COL19A1: variants seen among roughly 807,000 people sequenced by gnomAD.
The protein encoded by COL19A1 is collagen alpha-1(XIX) chain.
COL19A1 carries 159 observed loss-of-function variants against 190.2 expected under a neutral mutation model. That is an observed-to-expected ratio of 0.84 (90% CI 0.73 to 0.95). The LOEUF is 0.95. Ranked by LOEUF, COL19A1 falls within the 40% of genes least tolerant of loss-of-function variation. The pLI is 0.00. For missense variants in COL19A1, 1,418 were observed against 1,431.9 expected (o/e 0.99, Z 0.16); for synonymous variants, 509 against 458.9 (o/e 1.11, Z -1.39).
chr6:69,918,162 G>A (rs540385205), intron 4 of COL19A1, among the ~76,000 whole-genome samples: 1 of 152,186 alleles, frequency 6.6e-6, no homozygotes, highest in African/African-American at 2.4e-5. Context: ...TCAGAGAAAT[G>A]CATCTTATTC....
intron 2 of COL19A1, among the ~76,000 whole-genome samples, chr6:69,892,091 T>C (rs894273498): frequency 2.6e-5 from 4 of 152,226 alleles, no homozygotes; most frequent in African/African-American, 9.6e-5. Flanking sequence ...GCTATAGTTA[T>C]GCTTGCTAAG....
At chr6:70,129,919 G>T (rs552213849) in intron 17 of COL19A1, among the ~76,000 whole-genome samples, 1 of 152,254 alleles carries the variant, frequency 6.6e-6, no homozygotes, top group African/African-American at 2.4e-5. Flanking sequence ...TATCCCCAGA[G>T]GTGTGATGTT....
At chr6:70,175,558 G>A (rs113274984) in intron 41 of COL19A1, among the ~76,000 whole-genome samples, 8,105 of 151,848 alleles carry the variant, frequency 0.053, 238 homozygotes, top group Non-Finnish European at 0.06. Flanking sequence ...TATAAATGCC[G>A]GTCTGTTTCT....
At chr6:69,914,925 CT>C (rs536008572) in intron 4 of COL19A1, among the ~76,000 whole-genome samples, 7 of 152,080 alleles carry the variant, frequency 4.6e-5, no homozygotes, top group Admixed American at 2.0e-4. Context: ...GTTTCTTCAT[CT>C]TTTTTTTATA....
chr6:70,054,069 G>A (rs1780360679), intron 14 of COL19A1, among the ~76,000 whole-genome samples: 1 of 152,160 alleles, frequency 6.6e-6, no homozygotes, highest in Admixed American at 6.6e-5. Flanking sequence ...AAGATATTTT[G>A]GCCAGGTGCA....
intron 27 of COL19A1, among the ~76,000 whole-genome samples, chr6:70,147,635 C>G (rs1786751144): frequency 6.6e-6 from 1 of 152,140 alleles, no homozygotes; most frequent in Non-Finnish European, 1.5e-5. Flanking sequence ...AAATACAATT[C>G]TGACACCAGC....
intron 23 of COL19A1, 58 bp downstream of exon 23, chr6:70,142,878 A>G (rs1236176741): frequency 1.2e-5 from 17 of 1,470,152 alleles, no homozygotes; most frequent in Admixed American, 3.7e-5. Context: ...ACATGTTTTT[A>G]AAAACATCAA....
intron 15 of COL19A1, among the ~76,000 whole-genome samples, chr6:70,082,228 A>G (rs1208140096): frequency 7.0e-6 from 1 of 143,574 alleles, no homozygotes; most frequent in Non-Finnish European, 1.6e-5. Flanking sequence ...CTACTGATGA[A>G]GAATTGAAGA....
chr6:70,049,555 C>T (rs1197230322), intron 14 of COL19A1, among the ~76,000 whole-genome samples: 1 of 151,962 alleles, frequency 6.6e-6, no homozygotes, highest in African/African-American at 2.4e-5. Context: ...TTGAGAATAA[C>T]TCCTTCTGCC....
Position 70,146,692 on chromosome 6 carries a change from C to T in COL19A1, c.1804C>T (p.Arg602Cys), listed in dbSNP as rs769148194. The T allele has an allele frequency of 9.3e-6, 15 of 1,606,588 alleles. No individual in the cohort carries two copies. The highest frequency in any genetic ancestry group is 9.0e-5 in the South Asian group (8 of 89,332). ...TGGAAATCCTGGAGCACCTGGTCCA[C>T]GTGGGCCAAAGGTATACAAATATTA... ...LDGNPGAPGP[R>C]GPKGERGLPG... is the part of the protein sequence containing the mutation. Residue 602 changes from arginine (R) to cysteine (C), a missense_variant, in exon 26 of 51, where the codon CGT (arginine) becomes TGT (cysteine). Physicochemically the swap from Arg to Cys is radical, Grantham distance 180 (BLOSUM62 -3). Coordinates refer to ENST00000620364, the MANE Select transcript of COL19A1 (RefSeq NM_001858.6).
chr6:70,193,613 C>T (rs930125551), intron 48 of COL19A1, among the ~76,000 whole-genome samples: 1 of 152,068 alleles, frequency 6.6e-6, no homozygotes, highest in Non-Finnish European at 1.5e-5. Context: ...AGCCTTAAGA[C>T]AATATTTTAA....
At chr6:70,136,108 T>C (rs9454988) in intron 18 of COL19A1, among the ~76,000 whole-genome samples, 143 of 152,288 alleles carry the variant, frequency 9.4e-4, no homozygotes, top group African/African-American at 3.4e-3. Flanking sequence ...TTTAGTAAAA[T>C]TAAGATTAAA....
chr6:69,978,657 A>C (rs575484299), intron 11 of COL19A1, among the ~76,000 whole-genome samples: 19 of 151,750 alleles, frequency 1.3e-4, no homozygotes, highest in African/African-American at 2.6e-4. Flanking sequence ...AAATAATGAA[A>C]ATATGCTTTT....
intron 11 of COL19A1, among the ~76,000 whole-genome samples, chr6:69,967,919 T>C (rs1470283930): frequency 7.1e-6 from 1 of 141,670 alleles, no homozygotes; most frequent in African/African-American, 3.1e-5. Flanking sequence ...TACTATAACG[T>C]AGCGTAAAGT....
At chr6:70,199,132 A>G (rs1583152443) in intron 48 of COL19A1, among the ~76,000 whole-genome samples, 2 of 152,212 alleles carry the variant, frequency 1.3e-5, no homozygotes, top group East Asian at 3.8e-4. Context: ...ACTAGAAATG[A>G]AAAGTCTAGC....
At chr6:70,199,569 C>T in intron 48 of COL19A1, 39 bp from the exon 49 acceptor site, 1 of 1,341,592 alleles carries the variant, frequency 7.5e-7, no homozygotes, top group Non-Finnish European at 9.7e-7. Context: ...TAAAATATTT[C>T]TGTTCTATGA....
chr6:70,061,629 G>A (rs1450574836), intron 14 of COL19A1, among the ~76,000 whole-genome samples: 1 of 152,104 alleles, frequency 6.6e-6, no homozygotes, highest in Non-Finnish European at 1.5e-5. Flanking sequence ...ATAGTAAAGG[G>A]AGTAGATTTT....
Position 70,207,647 on chromosome 6 carries a change from T to C in COL19A1, c.*373T>C, listed in dbSNP as rs971368370. On this transcript the variant is annotated 3_prime_UTR_variant, in exon 51 of 51. Coordinates refer to ENST00000620364, the MANE Select transcript of COL19A1 (RefSeq NM_001858.6). Reference sequence around the variant, plus strand: ...TCATCAACATGTGGTTGGCCTTTGATTTCTGAATTTTAAAGTTTCAGACTT... The same window carrying C: ...TCATCAACATGTGGTTGGCCTTTGACTTCTGAATTTTAAAGTTTCAGACTT... 3 of 153,828 alleles carry C rather than the reference T, an allele frequency of 2.0e-5. No homozygotes were observed. Among genetic ancestry groups the C allele is most frequent in the African/African-American group, 7.2e-5 (3 of 41,508 alleles). 9.5% of individuals were successfully genotyped at this position (153,828 alleles called of 1,614,324 possible).
intron 41 of COL19A1, among the ~76,000 whole-genome samples, chr6:70,174,571 A>C (rs55990353): frequency 0.34 from 52,219 of 151,542 alleles, 9,300 homozygotes; most frequent in Middle Eastern, 0.46. Flanking sequence ...AAAAAAAAAA[A>C]CAAAAAAAAC....
Sources: gnomAD v4.1 joint callset for allele counts (sites outside exome capture counted in the v4.1 genomes callset) on GRCh38, gnomAD v4.1.1 for gene constraint, MANE v1.5 for transcripts, NCBI Gene and HGNC (gene_info 2026-07-23, HGNC 2026-07-21) for gene names.